Variants in CLCF1 observed in about 807,000 individuals in gnomAD.
CLCF1 encodes the protein cardiotrophin-like cytokine factor 1.
Under a neutral mutation model 21.2 loss-of-function variants are expected in CLCF1, and 10 were observed. The ratio of observed to expected loss-of-function variants is 0.47; its 90% CI spans 0.29 to 0.80. CLCF1 has a LOEUF of 0.80. CLCF1 is among the 30% of genes least tolerant of loss of function. The probability of loss-of-function intolerance (pLI) is 0.09; values close to 1 mark genes in which losing one functional copy is unlikely to be tolerated. For missense variants in CLCF1, 240 were observed against 293.4 expected, an observed-to-expected ratio of 0.82 and a Z score of 1.33; for synonymous variants, 115 against 120.5, an observed-to-expected ratio of 0.95 and a Z score of 0.30.
intron 1 of CLCF1, among the ~76,000 whole-genome samples, chr11:67,371,835 G>A (rs950284846): frequency 6.6e-6 from 1 of 152,112 alleles, no homozygotes; most frequent in African/African-American, 2.4e-5. Context: ...AGTGGCTGGT[G>A]TGCAGGGGTG....
chr11:67,370,651 G>T, intron 1 of CLCF1: 1 of 982,658 alleles, frequency 1.0e-6, no homozygotes, highest in African/African-American at 1.8e-5. Context: ...CTTAGCCCAA[G>T]GAAGTGACTG....
At position 67,364,908 on chromosome 11, in the gene CLCF1, G is replaced by A. The variant is rs1378079957; in HGVS notation, c.*228C>T. The A allele has an allele frequency of 3.1e-6, 2 of 644,646 alleles. No individual in the cohort carries two copies. Among genetic ancestry groups the A allele is most frequent in the South Asian group, 2.0e-5 (1 of 49,180 alleles). The allele number at this position is 644,646 out of a possible 1,614,324, so 39.9% of individuals were successfully genotyped here. On this transcript the variant is annotated 3_prime_UTR_variant, in exon 3 of 3. Coordinates refer to ENST00000312438, the MANE Select transcript of CLCF1 (RefSeq NM_013246.3). The stretch of plus-strand genomic sequence containing the variant: ...CACACTCCCTCGAGCATGACTTCCT[G>A]TAGAAACAGGACAGGACAGGGCCTA...
intron 1 of CLCF1, chr11:67,370,020 G>C (rs987084966): frequency 1.1e-5 from 11 of 985,306 alleles, no homozygotes; most frequent in African/African-American, 7.0e-5. Context: ...CTGCGGGTGG[G>C]GGGCAGGGGA....
At chr11:67,369,012 A>T in intron 1 of CLCF1, 3 of 963,974 alleles carry the variant, frequency 3.1e-6, no homozygotes, top group Non-Finnish European at 3.6e-6. Context: ...GGTTGCTTTG[A>T]TAGGCAGAAA....
At chr11:67,373,320 C>G (rs975459985) in intron 1 of CLCF1, among the ~76,000 whole-genome samples, 1 of 152,004 alleles carries the variant, frequency 6.6e-6, no homozygotes, top group Non-Finnish European at 1.5e-5. Context: ...CCGGCCACCT[C>G]CTGGCCCCGC....
intron 1 of CLCF1, chr11:67,368,298 G>A (rs1320726957): frequency 1.0e-6 from 1 of 985,288 alleles, no homozygotes. Context: ...TCACTCTCAG[G>A]GAACGGTGGC....
rs960302182 is a variant in CLCF1 at position 67,364,758 on chromosome 11, G to A, written c.*378C>T. The A allele has an allele frequency of 1.9e-5, 5 of 258,006 alleles. No homozygotes were observed. The highest frequency in any genetic ancestry group is 3.0e-5 in the Non-Finnish European group (4 of 131,244). 16.0% of individuals were successfully genotyped at this position (258,006 alleles called of 1,614,324 possible). ...AAAGGGCTTCACCCCAGAAAGGCATGTGTGGTGGTGGCCCCTCAACCCCTG... is the reference window on the plus strand; with the variant it reads ...AAAGGGCTTCACCCCAGAAAGGCATATGTGGTGGTGGCCCCTCAACCCCTG... On this transcript the variant is annotated 3_prime_UTR_variant, in exon 3 of 3. Coordinates refer to ENST00000312438, the MANE Select transcript of CLCF1 (RefSeq NM_013246.3).
At chr11:67,368,382 T>C (rs1862161394) in intron 1 of CLCF1, 1 of 985,148 alleles carries the variant, frequency 1.0e-6, no homozygotes, top group Non-Finnish European at 1.2e-6. Context: ...TCCATCAGCC[T>C]GCAAGGGTGG....
intron 2 of CLCF1, 128 bp downstream of exon 2, chr11:67,367,332 G>C (rs1272071557): frequency 1.4e-6 from 2 of 1,417,178 alleles, no homozygotes; most frequent in Non-Finnish European, 2.0e-6. Flanking sequence ...AGACCAGACA[G>C]GGGGACTGGT....
Position 67,365,598 on chromosome 11 carries a change from T to A in CLCF1, c.216A>T (p.Pro72=). The change falls in exon 3 of 3, where the codon CCA becomes CCT. Residue 72 remains proline, a synonymous_variant. Coordinates refer to ENST00000312438, the MANE Select transcript of CLCF1 (RefSeq NM_013246.3). This position sits in a 1 kb window ranked among gnomAD's most constrained non-coding sequence, Gnocchi z 5.0. ...LNYLGPPFNE[P]DFNPPRLGAE... ...CCCCCAGGCGGGGAGGGTTGAAGTC[T>A]GGCTCGTTGAAAGGGGGGCCCAGGT... The A allele has an allele frequency of 2.5e-6, 4 of 1,612,742 alleles. No homozygotes were observed.
At chr11:67,369,701 A>C in intron 1 of CLCF1, 1 of 985,440 alleles carries the variant, frequency 1.0e-6, no homozygotes, top group Non-Finnish European at 1.2e-6. Flanking sequence ...AAGGGTCCCA[A>C]CTGAAGCCGG....
Position 67,367,621 on chromosome 11 carries a change from A to G in CLCF1, c.22T>C (p.Ser8Pro), listed in dbSNP as rs771570860. ...CACAGGCACGCTAACATCCCCCACGAGTCCCCTGTGGGCAGGATGGACGAG... is the reference window on the plus strand; with the variant it reads ...CACAGGCACGCTAACATCCCCCACGGGTCCCCTGTGGGCAGGATGGACGAG... MDLRAGD[S>P]WGMLACLCTV... is the part of the protein sequence containing the mutation. Residue 8 changes from serine (S) to proline (P), a missense_variant, in exon 2 of 3, where the codon TCG (serine) becomes CCG (proline). By Grantham distance (74) the Ser-to-Pro change is moderately conservative. Transcript: ENST00000312438. 3.7e-6 allele frequency: 6 copies of G among 1,613,170 alleles called. No individual in the cohort carries two copies. Among genetic ancestry groups the G allele is most frequent in the Non-Finnish European group, 4.2e-6 (5 of 1,179,920 alleles).
intron 1 of CLCF1, chr11:67,368,115 G>A (rs944552174): frequency 7.5e-5 from 74 of 985,338 alleles, no homozygotes; most frequent in Non-Finnish European, 8.6e-5. Flanking sequence ...CCCTAAGGGA[G>A]GAAGCAGGAG....
In CLCF1 at chr11:67,365,095, A is replaced by G. The variant is rs1458488426; in HGVS notation, c.*41T>C. On this transcript the variant is annotated 3_prime_UTR_variant, in exon 3 of 3. Coordinates refer to ENST00000312438, the MANE Select transcript of CLCF1 (RefSeq NM_013246.3). The surrounding 1 kb of genome is among the most constrained non-coding windows in gnomAD (Gnocchi z 5.0). Reference sequence around the variant, plus strand: ...ACAGGGCTGGCTCTCACAAAGTGGGAGCAGGGTTTGAAGGGGGAGCGAAGA... The same window carrying G: ...ACAGGGCTGGCTCTCACAAAGTGGGGGCAGGGTTTGAAGGGGGAGCGAAGA... 8.7e-6 allele frequency: 14 copies of G among 1,612,004 alleles called. No individual in the cohort carries two copies. Among genetic ancestry groups the G allele is most frequent in the African/African-American group, 1.3e-5 (1 of 74,896 alleles).
chr11:67,370,205 A>T (rs1472637843), intron 1 of CLCF1: 1 of 985,262 alleles, frequency 1.0e-6, no homozygotes, highest in Admixed American at 6.1e-5. Flanking sequence ...AGCAGGAGGG[A>T]AAGCAGCGTG....
intron 1 of CLCF1, chr11:67,368,823 A>T (rs1251927611): frequency 3.1e-6 from 3 of 983,444 alleles, no homozygotes; most frequent in African/African-American, 3.5e-5. Context: ...GCTGCTTGTC[A>T]TGTTATGAAG....
chr11:67,373,474 G>T (rs745555983), intron 1 of CLCF1, 50 bp downstream of exon 1: 1 of 1,038,066 alleles, frequency 9.6e-7, no homozygotes, highest in Non-Finnish European at 1.4e-6. Context: ...ACCGGATCTC[G>T]TGGCTGCTTG....
chr11:67,374,025 C>CG, upstream of CLCF1: 6 of 988,274 alleles, frequency 6.1e-6, no homozygotes, highest in Non-Finnish European at 7.2e-6. Flanking sequence ...CCTGCCGATG[C>CG]GGGGTCCCTG....
At position 67,365,729 on chromosome 11, in the gene CLCF1, CT is replaced by C. The variant is rs994226554; in HGVS notation, c.184-100del. 1.0e-5 allele frequency: 15 copies of C among 1,487,704 alleles called. No homozygotes were observed. The African/African-American group carries it at 1.7e-4, about 17-fold the overall frequency. The allele number at this position is 1,487,704 out of a possible 1,614,324, so 92.2% of individuals were successfully genotyped here. A position where few individuals can be genotyped will look rare whatever the true frequency, so the allele number is the denominator to read the frequency against. ...CCAAAGTTTCTATTTTTTGTGTCCCCTGACACTGGCCCTGTCTCCATGCTAG... is the reference window on the plus strand; with the variant it reads ...CCAAAGTTTCTATTTTTTGTGTCCCCGACACTGGCCCTGTCTCCATGCTAG... On this transcript the variant is annotated intron_variant, in intron 2 of 2. Transcript: ENST00000312438. This position sits in a 1 kb window ranked among gnomAD's most constrained non-coding sequence, Gnocchi z 5.0.
Sources: allele counts gnomAD v4.1 joint callset (sites outside exome capture counted in the v4.1 genomes callset), GRCh38; gene constraint gnomAD v4.1.1; non-coding constraint Gnocchi (gnomAD v3.1); transcripts MANE v1.5; gene names NCBI Gene and HGNC (gene_info 2026-07-23, HGNC 2026-07-21).